The following LRRC74A variants were observed in gnomAD, a reference collection of about 807,000 sequenced individuals.
LRRC74A encodes leucine-rich repeat-containing protein 74A.
LRRC74A carries 44 observed loss-of-function variants against 57.9 expected under a neutral mutation model. The observed-to-expected ratio is 0.76, with a 90% CI of 0.60 to 0.98. The LOEUF (loss-of-function observed/expected upper bound fraction) is 0.98, where lower values mean the gene tolerates loss of function less well. Ranked by LOEUF, LRRC74A falls within the 50% of genes least tolerant of loss-of-function variation. The pLI is 0.00. For missense variants in LRRC74A, 572 were observed against 574.0 expected (o/e 1.00, Z 0.04); for synonymous variants, 211 against 219.4 (o/e 0.96, Z 0.34).
In LRRC74A at chr14:76,857,442, C is replaced by A. The variant is rs766558431; in HGVS notation, c.1020C>A (p.Asn340Lys). 5.0e-6 allele frequency: 8 copies of A among 1,586,442 alleles called. No individual in the cohort carries two copies. The highest frequency in any genetic ancestry group is 6.9e-6 in the Non-Finnish European group (8 of 1,164,948). Residue 340 changes from asparagine to lysine, a missense_variant, in exon 10 of 14, where the codon AAC becomes AAA. By Grantham distance (94) the Asn-to-Lys change is moderately conservative (BLOSUM62 0). Coordinates refer to ENST00000689127, the MANE Select transcript of LRRC74A (RefSeq NM_001385106.1). ...TACTTATCCTGGCTATCAAGAGGAA[C>A]CCCAAATCCAGGATGGAAGAGCTTG... ...AILLILAIKRNPKSRMEELDI... is the reference protein window; with the variant it reads ...AILLILAIKRKPKSRMEELDI...
chr14:76,836,114 G>GC (rs1174320378), intron 3 of LRRC74A, 93 bp from the exon 4 acceptor site: 7 of 875,428 alleles, frequency 8.0e-6, no homozygotes, highest in Non-Finnish European at 1.3e-5. Context: ...GCATCTCCAC[G>GC]CCCATTCACA....
chr14:76,864,489 T>TACTGTAATA (rs1898607560), intron 11 of LRRC74A, among the ~76,000 whole-genome samples: 1 of 148,532 alleles, frequency 6.7e-6, no homozygotes, highest in Non-Finnish European at 1.5e-5. Context: ...CCCAAAAGAA[T>TACTGTAATA]ACTGTAATAT....
chr14:76,826,772 C>A, intron 1 of LRRC74A, 38 bp downstream of exon 1: 1 of 1,378,526 alleles, frequency 7.3e-7, no homozygotes, highest in Non-Finnish European at 9.8e-7. Context: ...TCAGGCCCGT[C>A]CCTGCTGCCT....
intron 12 of LRRC74A, among the ~76,000 whole-genome samples, chr14:76,866,915 GGT>G (rs535396657): frequency 2.2e-5 from 3 of 139,392 alleles, no homozygotes; most frequent in African/African-American, 5.5e-5. Flanking sequence ...CATTGTGTGG[GGT>G]GTGTGTGTTG....
chr14:76,854,881 A>G (rs887609048), intron 9 of LRRC74A, among the ~76,000 whole-genome samples: 1 of 152,190 alleles, frequency 6.6e-6, no homozygotes, highest in African/African-American at 2.4e-5. Context: ...GTCGTTACTC[A>G]TAGCCTCACC....
Position 76,850,761 on chromosome 14 carries a change from G to A in LRRC74A, c.677-1604G>A, listed in dbSNP as rs536203717. Among the ~76,000 whole-genome samples, 10 of 151,800 alleles carry A rather than the reference G, an allele frequency of 6.6e-5. No homozygotes were observed. The East Asian group carries it at 1.2e-3, about 18-fold the overall frequency. ...CAGGCGCCTATAATCCCAGCTGCCC[G>A]GGAGGCTGAAGCAGGAGAATCGCTT... On this transcript the variant is annotated intron_variant, in intron 7 of 13. Transcript: ENST00000689127.
chr14:76,866,469 C>T (rs1019420317), intron 12 of LRRC74A, among the ~76,000 whole-genome samples: 13 of 152,194 alleles, frequency 8.5e-5, no homozygotes, highest in Admixed American at 2.6e-4. Flanking sequence ...ACATTCCTCT[C>T]GCTCCCCATG....
At chr14:76,845,852 C>T (rs1190278999) in intron 7 of LRRC74A, among the ~76,000 whole-genome samples, 2 of 152,220 alleles carry the variant, frequency 1.3e-5, no homozygotes, top group Non-Finnish European at 2.9e-5. Flanking sequence ...AACCCCATCT[C>T]TACTAAAAAT....
intron 2 of LRRC74A, 99 bp downstream of exon 2, chr14:76,828,518 G>A: frequency 6.4e-7 from 1 of 1,565,262 alleles, no homozygotes; most frequent in Non-Finnish European, 8.8e-7. Flanking sequence ...TCCAGAGTCT[G>A]CCCTGCGGAT....
At chr14:76,869,361 C>T (rs773332323) in intron 13 of LRRC74A, among the ~76,000 whole-genome samples, 22 of 152,302 alleles carry the variant, frequency 1.4e-4, no homozygotes, top group Middle Eastern at 3.4e-3. Context: ...CACACACTGC[C>T]GCTTTATCAG....
intron 10 of LRRC74A, among the ~76,000 whole-genome samples, chr14:76,858,815 C>T (rs1898082482): frequency 6.6e-6 from 1 of 152,038 alleles, no homozygotes; most frequent in African/African-American, 2.4e-5. Flanking sequence ...TCTCGAACTC[C>T]CGACCTCAAG....
intron 5 of LRRC74A, among the ~76,000 whole-genome samples, chr14:76,838,294 T>C (rs761800761): frequency 1.5e-4 from 23 of 152,214 alleles, no homozygotes; most frequent in Admixed American, 5.9e-4. Context: ...ATGTTTAATA[T>C]GATTAAGAAC....
intron 10 of LRRC74A, among the ~76,000 whole-genome samples, chr14:76,857,679 T>C (rs1312060677): frequency 6.6e-6 from 1 of 152,162 alleles, no homozygotes; most frequent in South Asian, 2.1e-4. Context: ...AGTAACATCA[T>C]AGTGAGAAAT....
At position 76,860,676 on chromosome 14, in the gene LRRC74A, C is replaced by T. The variant is rs1257642137; in HGVS notation, c.1054-17C>T. On this transcript the variant is annotated splice_polypyrimidine_tract_variant and intron_variant, in intron 10 of 13. Coordinates refer to ENST00000689127, the MANE Select transcript of LRRC74A (RefSeq NM_001385106.1). ...CAGTGCCCTCATCATCATGGGTCCC[C>T]TCTCTCCCTGTCACAGAACGTGCTG... The T allele has an allele frequency of 6.3e-7, 1 of 1,595,898 alleles. No individual in the cohort carries two copies. Among genetic ancestry groups the T allele is most frequent in the Non-Finnish European group, 8.6e-7 (1 of 1,169,176 alleles).
chr14:76,853,556 T>C, intron 9 of LRRC74A, 146 bp downstream of exon 9: 1 of 789,118 alleles, frequency 1.3e-6, no homozygotes, highest in East Asian at 2.8e-5. Flanking sequence ...CTTTTTACCA[T>C]CTCTTGACTG....
intron 13 of LRRC74A, among the ~76,000 whole-genome samples, chr14:76,867,943 C>A (rs1017756597): frequency 1.3e-5 from 2 of 152,336 alleles, no homozygotes; most frequent in African/African-American, 4.8e-5. Flanking sequence ...TCTGCCATGG[C>A]TTGGCAAGTG....
At chr14:76,840,308 A>C (rs1413560991) in intron 5 of LRRC74A, among the ~76,000 whole-genome samples, 1 of 152,022 alleles carries the variant, frequency 6.6e-6, no homozygotes, top group African/African-American at 2.4e-5. Context: ...ATTAGGTAAA[A>C]ATATTTTCCT....
intron 9 of LRRC74A, among the ~76,000 whole-genome samples, chr14:76,856,078 T>C (rs1897854991): frequency 6.6e-6 from 1 of 152,170 alleles, no homozygotes; most frequent in Non-Finnish European, 1.5e-5. Flanking sequence ...GCCTATAAGG[T>C]TCTCCATGAT....
At chr14:76,835,646 A>G (rs1284371367) in intron 3 of LRRC74A, among the ~76,000 whole-genome samples, 1 of 152,152 alleles carries the variant, frequency 6.6e-6, no homozygotes, top group Non-Finnish European at 1.5e-5. Flanking sequence ...GCAACTTGGG[A>G]GGCTAAGGCA....
Sources: allele counts gnomAD v4.1 joint callset (sites outside exome capture counted in the v4.1 genomes callset), GRCh38; gene constraint gnomAD v4.1.1; transcripts MANE v1.5; gene names NCBI Gene and HGNC (gene_info 2026-07-23, HGNC 2026-07-21).